COL24A1: variants seen among roughly 807,000 people sequenced by gnomAD.
COL24A1 encodes collagen type XXIV alpha 1 chain.
COL24A1 carries 224 observed loss-of-function variants against 253.9 expected under a neutral mutation model. The observed-to-expected ratio is 0.88, with a 90% CI of 0.79 to 0.99. The LOEUF (loss-of-function observed/expected upper bound fraction) is 0.99, where lower values mean the gene tolerates loss of function less well. Among genes scored for constraint, COL24A1 ranks in the 50% least tolerant of loss-of-function variants. The probability of loss-of-function intolerance (pLI) is 0.00; values close to 1 mark genes in which losing one functional copy is unlikely to be tolerated. For synonymous variants in COL24A1, 685 were observed against 673.7 expected, an observed-to-expected ratio of 1.02 and a Z score of -0.26; for missense variants, 2,131 against 2,068.5, an observed-to-expected ratio of 1.03 and a Z score of -0.59.
At position 85,936,805 on chromosome 1, in the gene COL24A1, G is replaced by C. The variant is rs1050245336; in HGVS notation, c.2562+24444C>G. ...TCACAGTGCAGGCTCCTGAGATTTT[G>C]TATCAAGGCTCTGCCACCTGCAGCA... is the stretch of plus-strand genomic sequence containing the variant. On this transcript the variant is annotated intron_variant, in intron 24 of 59. Coordinates refer to ENST00000370571, the MANE Select transcript of COL24A1 (RefSeq NM_152890.7). Among the ~76,000 whole-genome samples, 3 of 147,356 alleles carry C rather than the reference G, an allele frequency of 2.0e-5. 1 individual carries two copies. Among genetic ancestry groups the C allele is most frequent in the African/African-American group, 7.5e-5 (3 of 40,156 alleles).
chr1:85,797,129 T>C (rs1329161312), intron 47 of COL24A1, among the ~76,000 whole-genome samples: 1 of 145,656 alleles, frequency 6.9e-6, no homozygotes, highest in Non-Finnish European at 1.5e-5. Flanking sequence ...ATGGCGTGAA[T>C]CTGGGAGGTG....
chr1:85,867,281 C>T (rs1304151490), intron 37 of COL24A1, among the ~76,000 whole-genome samples: 1 of 152,192 alleles, frequency 6.6e-6, no homozygotes, highest in African/African-American at 2.4e-5. Context: ...CTTTGTCTTC[C>T]AGCCTGCCTG....
In COL24A1 at chr1:85,903,489, G is replaced by T. The variant is rs545303114; in HGVS notation, c.2778+3705C>A. ...AGAAAGTCAAATAGCATTATAATAG[G>T]CACCTAAATTTGGCATAGTTATATA... is the stretch of plus-strand genomic sequence containing the variant. On this transcript the variant is annotated intron_variant, in intron 28 of 59. Coordinates refer to ENST00000370571, the MANE Select transcript of COL24A1 (RefSeq NM_152890.7). 4.6e-5 allele frequency among the ~76,000 whole-genome samples: 7 copies of T among 152,156 alleles called. No homozygotes were observed. The East Asian group carries it at 1.4e-3, about 29-fold the overall frequency.
chr1:85,734,782 T>C lies in COL24A1; in HGVS notation c.4965A>G (p.Leu1655=). ...WNGQIFKVNT[L]LEPKVLSDDC... ...CATCTGAAAGCACTTTAGGTTCAAG[T>C]AGAGTGTTTACTTTAAAAATCTGGC... The change falls in exon 59 of 60, where the codon CTA becomes CTG. Residue 1655 remains leucine (L), a synonymous_variant. Transcript: ENST00000370571. The C allele has an allele frequency of 2.5e-6, 4 of 1,614,252 alleles. No homozygotes were observed. The highest frequency in any genetic ancestry group is 3.4e-6 in the Non-Finnish European group (4 of 1,180,048).
At chr1:85,881,134 A>G (rs189060751) in intron 32 of COL24A1, among the ~76,000 whole-genome samples, 15 of 152,282 alleles carry the variant, frequency 9.9e-5, no homozygotes, top group Non-Finnish European at 8.8e-5. Context: ...TTAAATGTTT[A>G]GTTGAATTCA....
At chr1:85,924,374 G>A (rs1224979797) in intron 24 of COL24A1, among the ~76,000 whole-genome samples, 3 of 152,080 alleles carry the variant, frequency 2.0e-5, no homozygotes, top group Non-Finnish European at 2.9e-5. Context: ...CAAAAAAAGA[G>A]AATTTTAGAC....
chr1:85,992,481 G>A (rs1694379759), intron 19 of COL24A1, among the ~76,000 whole-genome samples: 3 of 152,054 alleles, frequency 2.0e-5, no homozygotes, highest in Admixed American at 1.3e-4. Flanking sequence ...TGTATCAACT[G>A]AACATTAATG....
intron 55 of COL24A1, among the ~76,000 whole-genome samples, chr1:85,754,583 G>A (rs1438096093): frequency 6.8e-6 from 1 of 146,268 alleles, no homozygotes. Context: ...AGGACAGTAT[G>A]AGAAAGATGT....
chr1:86,090,498 T>G (rs866181692), intron 6 of COL24A1, among the ~76,000 whole-genome samples: 52 of 152,234 alleles, frequency 3.4e-4, no homozygotes, highest in African/African-American at 1.3e-3. Context: ...GCATTTATTT[T>G]TCTCTTTCAC....
chr1:85,914,397 T>A (rs1187993625), intron 24 of COL24A1, among the ~76,000 whole-genome samples: 5 of 150,780 alleles, frequency 3.3e-5, no homozygotes, highest in Non-Finnish European at 7.4e-5. Flanking sequence ...TTTTCTTTTT[T>A]TTTTTTTTCT....
chr1:85,933,747 C>T (rs967777862), intron 24 of COL24A1, among the ~76,000 whole-genome samples: 1 of 152,146 alleles, frequency 6.6e-6, no homozygotes, highest in Non-Finnish European at 1.5e-5. Flanking sequence ...AAATTATGTG[C>T]ATGTGGAAAT....
At chr1:85,879,878 A>C (rs1362273573) in intron 32 of COL24A1, among the ~76,000 whole-genome samples, 1 of 152,150 alleles carries the variant, frequency 6.6e-6, no homozygotes, top group Admixed American at 6.5e-5. Flanking sequence ...CGTGTTGTTC[A>C]AGGGTCAATC....
At chr1:85,812,947 T>C (rs1307553243) in intron 47 of COL24A1, among the ~76,000 whole-genome samples, 2 of 152,136 alleles carry the variant, frequency 1.3e-5, no homozygotes, top group African/African-American at 4.8e-5. Context: ...GGGAGATAAG[T>C]TGGAGCTATA....
intron 7 of COL24A1, among the ~76,000 whole-genome samples, chr1:86,086,731 T>C (rs969425319): frequency 1.3e-5 from 2 of 152,136 alleles, no homozygotes; most frequent in Non-Finnish European, 2.9e-5. Context: ...GTAACAGGCA[T>C]CAATCATAAG....
chr1:85,846,222 A>G (rs1247040096), intron 39 of COL24A1, among the ~76,000 whole-genome samples: 3 of 151,880 alleles, frequency 2.0e-5, no homozygotes, highest in Non-Finnish European at 4.4e-5. Flanking sequence ...TATATAAAAA[A>G]ATACCCACAA....
chr1:86,063,666 CAT>C (rs775494166), intron 8 of COL24A1, 47 bp downstream of exon 8: 39 of 1,346,482 alleles, frequency 2.9e-5, no homozygotes, highest in Non-Finnish European at 3.4e-5. Context: ...AGTTCTCTAA[CAT>C]GTGTCTTTTT....
At chr1:85,895,607 T>C (rs1683595359) in intron 31 of COL24A1, among the ~76,000 whole-genome samples, 1 of 152,056 alleles carries the variant, frequency 6.6e-6, no homozygotes, top group Admixed American at 6.5e-5. Context: ...GACCCAATGA[T>C]TAAAGGAGAA....
intron 24 of COL24A1, among the ~76,000 whole-genome samples, chr1:85,933,634 T>C (rs1404368825): frequency 1.3e-5 from 2 of 152,208 alleles, no homozygotes; most frequent in African/African-American, 4.8e-5. Flanking sequence ...TTCTCATTTT[T>C]TTCCATGAAA....
intron 33 of COL24A1, among the ~76,000 whole-genome samples, chr1:85,876,585 C>G (rs1258647232): frequency 6.6e-6 from 1 of 152,028 alleles, no homozygotes; most frequent in Non-Finnish European, 1.5e-5. Flanking sequence ...ATAATATGAT[C>G]ACTAAGCCAA....
Sources: allele counts gnomAD v4.1 joint callset (sites outside exome capture counted in the v4.1 genomes callset), GRCh38; gene constraint gnomAD v4.1.1; transcripts MANE v1.5; gene names NCBI Gene and HGNC (gene_info 2026-07-23, HGNC 2026-07-21).